Variants in DNAAF10 observed in about 807,000 individuals in gnomAD.
DNAAF10 encodes the protein WD repeat domain 92.
Under a neutral mutation model 43.7 loss-of-function variants are expected in DNAAF10, and 28 were observed. The observed-to-expected ratio is 0.64, with a 90% CI of 0.48 to 0.88. The LOEUF (loss-of-function observed/expected upper bound fraction) is 0.88, where lower values mean the gene tolerates loss of function less well. Ranked by LOEUF, DNAAF10 falls within the 40% of genes least tolerant of loss-of-function variation. The probability of loss-of-function intolerance (pLI) is 0.00; values close to 1 mark genes in which losing one functional copy is unlikely to be tolerated. For missense variants in DNAAF10, 403 were observed against 439.1 expected (o/e 0.92, Z 0.73); for synonymous variants, 156 against 157.3 (o/e 0.99, Z 0.06).
At chr2:68,139,289 C>T (rs1673121249) in intron 4 of DNAAF10, among the ~76,000 whole-genome samples, 1 of 152,168 alleles carries the variant, frequency 6.6e-6, no homozygotes. Flanking sequence ...CCCTCTCTCG[C>T]CATGTGACAT....
At chr2:68,156,391 A>G (rs1196106641) in intron 1 of DNAAF10, among the ~76,000 whole-genome samples, 1 of 152,160 alleles carries the variant, frequency 6.6e-6, no homozygotes, top group Non-Finnish European at 1.5e-5. Flanking sequence ...TACAACCCTG[A>G]TCTGATAATG....
intron 4 of DNAAF10, among the ~76,000 whole-genome samples, chr2:68,141,235 T>C (rs1422421408): frequency 6.6e-6 from 1 of 152,232 alleles, no homozygotes; most frequent in Non-Finnish European, 1.5e-5. Flanking sequence ...ACATACTCCG[T>C]ATATAGCGTA....
intron 7 of DNAAF10, among the ~76,000 whole-genome samples, chr2:68,132,451 T>C (rs1280194883): frequency 6.6e-6 from 1 of 152,258 alleles, no homozygotes; most frequent in Non-Finnish European, 1.5e-5. Flanking sequence ...ACATATCTCT[T>C]GGCAAAGGCT....
chr2:68,155,003 G>A (rs974927636), intron 1 of DNAAF10, among the ~76,000 whole-genome samples: 1 of 152,004 alleles, frequency 6.6e-6, no homozygotes. Flanking sequence ...TGAACTCCTG[G>A]GCTCAAGCAA....
intron 1 of DNAAF10, among the ~76,000 whole-genome samples, chr2:68,147,807 C>T (rs1193105666): frequency 1.3e-5 from 2 of 152,274 alleles, no homozygotes; most frequent in East Asian, 3.9e-4. Flanking sequence ...ATGAGACATT[C>T]AAATGCTGAC....
intron 1 of DNAAF10, among the ~76,000 whole-genome samples, chr2:68,148,547 G>A (rs558818904): frequency 5.3e-5 from 8 of 151,536 alleles, no homozygotes; most frequent in African/African-American, 7.3e-5. Context: ...CCCTCCCGCC[G>A]CCAACTCTAC....
intron 1 of DNAAF10, among the ~76,000 whole-genome samples, chr2:68,156,537 A>T (rs1673621200): frequency 6.6e-6 from 1 of 152,186 alleles, no homozygotes; most frequent in Non-Finnish European, 1.5e-5. Flanking sequence ...TAATCTTTCC[A>T]CACCCTGCTT....
Position 68,144,649 on chromosome 2 carries a change from T to C in DNAAF10, c.351A>G (p.Ile117Met). The stretch of plus-strand genomic sequence containing the variant: ...CAATTCCTAGTCCACCTATGCCATC[T>C]ATGGCATTTATAATTTCTTTATGGC... ...VKGHKEIINA[I>M]DGIGGLGIGE... The change falls in exon 3 of 8, where the codon ATA (isoleucine) becomes ATG (methionine). Residue 117 changes from isoleucine to methionine, a missense_variant. Transcript: ENST00000295121. 2 of 1,614,004 alleles carry C rather than the reference T, an allele frequency of 1.2e-6. No individual in the cohort carries two copies. The highest frequency in any genetic ancestry group is 1.7e-6 in the Non-Finnish European group (2 of 1,179,922).
At chr2:68,154,420 G>A (rs1004289149) in intron 1 of DNAAF10, among the ~76,000 whole-genome samples, 2 of 151,218 alleles carry the variant, frequency 1.3e-5, no homozygotes, top group African/African-American at 4.9e-5. Context: ...CTGATTTTTT[G>A]TATTTTTAGT....
intron 2 of DNAAF10, among the ~76,000 whole-genome samples, chr2:68,146,216 C>T (rs1673313807): frequency 1.3e-5 from 2 of 152,180 alleles, no homozygotes; most frequent in African/African-American, 4.8e-5. Context: ...GAGCCGAGAT[C>T]GCATCACTAC....
intron 7 of DNAAF10, chr2:68,132,028 A>C (rs1055087255): frequency 6.5e-6 from 1 of 153,278 alleles, no homozygotes; most frequent in Non-Finnish European, 1.5e-5. Context: ...GTTTCAAACA[A>C]GAAAAAAGTG....
intron 4 of DNAAF10, among the ~76,000 whole-genome samples, chr2:68,141,121 T>A (rs1229969717): frequency 1.3e-5 from 2 of 152,200 alleles, no homozygotes; most frequent in African/African-American, 4.8e-5. Flanking sequence ...TGTCAATTAG[T>A]CTTCCAAAGT....
intron 3 of DNAAF10, among the ~76,000 whole-genome samples, chr2:68,142,343 G>T (rs189088238): frequency 4.6e-5 from 7 of 152,122 alleles, no homozygotes; most frequent in Admixed American, 2.0e-4. Flanking sequence ...TGCAACCTCC[G>T]CCTCCTGGGT....
Position 68,138,725 on chromosome 2 carries a change from C to T in DNAAF10, c.633+17G>A. ...AACATGCTCAGAGAAACCAAAAAGC[C>T]TCAGAATGTACTTTACCCCATTTTT... On this transcript the variant is annotated intron_variant, in intron 5 of 7. Transcript: ENST00000295121. The T allele has an allele frequency of 6.3e-7, 1 of 1,579,904 alleles. No homozygotes were observed. Among genetic ancestry groups the T allele is most frequent in the Non-Finnish European group, 8.7e-7 (1 of 1,149,218 alleles).
At chr2:68,131,542 T>C (rs746873004) in intron 7 of DNAAF10, 97 bp from the exon 8 acceptor site, 5 of 1,136,156 alleles carry the variant, frequency 4.4e-6, no homozygotes, top group Non-Finnish European at 6.4e-6. Context: ...CTCAGTTGGT[T>C]ACTGGGACTA....
intron 2 of DNAAF10, 81 bp downstream of exon 2, chr2:68,147,384 TTC>T (rs1209503506): frequency 1.2e-5 from 12 of 1,017,656 alleles, no homozygotes; most frequent in East Asian, 5.2e-5. Context: ...AAAATTAAAA[TTC>T]TCTCTTTCAG....
At chr2:68,133,302 G>C (rs1482757938) in intron 7 of DNAAF10, among the ~76,000 whole-genome samples, 3 of 152,030 alleles carry the variant, frequency 2.0e-5, no homozygotes, top group African/African-American at 7.2e-5. Context: ...GAGTGCAGTG[G>C]TGCGATCTCG....
At chr2:68,139,662 G>C (rs577819190) in intron 4 of DNAAF10, among the ~76,000 whole-genome samples, 1 of 151,436 alleles carries the variant, frequency 6.6e-6, no homozygotes, top group South Asian at 2.1e-4. Context: ...AAATTAGCCG[G>C]GTGTGGTGGC....
At chr2:68,157,143 G>T in intron 1 of DNAAF10, 118 bp downstream of exon 1, 2 of 1,365,162 alleles carry the variant, frequency 1.5e-6, no homozygotes, top group Non-Finnish European at 2.0e-6. Context: ...CTCTGGTCTC[G>T]CGCGGCTCAA....
Sources: gnomAD v4.1 joint callset for allele counts (sites outside exome capture counted in the v4.1 genomes callset) on GRCh38, gnomAD v4.1.1 for gene constraint, MANE v1.5 for transcripts, NCBI Gene and HGNC (gene_info 2026-07-23, HGNC 2026-07-21) for gene names.